The following FSTL5 variants were observed in gnomAD, a reference collection of about 807,000 sequenced individuals.
FSTL5 encodes the protein follistatin like 5.
FSTL5 carries 62 observed loss-of-function variants against 89.1 expected under a neutral mutation model. The ratio of observed to expected loss-of-function variants is 0.70; its 90% confidence interval spans 0.57 to 0.86. The LOEUF (loss-of-function observed/expected upper bound fraction) is 0.86. Ranked by LOEUF, FSTL5 falls within the 40% of genes least tolerant of loss-of-function variation. FSTL5 has a pLI of 0.00. For synonymous variants in FSTL5, 383 were observed against 346.2 expected (o/e 1.11, Z -1.18); for missense variants, 1,057 against 1,001.6 (o/e 1.06, Z -0.75).
At chr4:161,522,961 T>G (rs1478313719) in intron 10 of FSTL5, among the ~76,000 whole-genome samples, 1 of 152,000 alleles carries the variant, frequency 6.6e-6, no homozygotes, top group East Asian at 1.9e-4. Flanking sequence ...CTTGAGAAAA[T>G]TTTAAAGCTA....
intron 8 of FSTL5, among the ~76,000 whole-genome samples, chr4:161,581,738 C>T (rs1330455633): frequency 6.6e-6 from 1 of 152,142 alleles, no homozygotes; most frequent in East Asian, 1.9e-4. Context: ...CCACTTTATG[C>T]AGAAGTTTTC....
intron 15 of FSTL5, among the ~76,000 whole-genome samples, chr4:161,431,524 A>T (rs1368063405): frequency 2.0e-5 from 3 of 152,056 alleles, no homozygotes; most frequent in African/African-American, 4.8e-5. Flanking sequence ...ACCTTCACTT[A>T]AAAGAAGACA....
At chr4:161,594,322 A>G (rs1205840067) in intron 7 of FSTL5, among the ~76,000 whole-genome samples, 1 of 152,180 alleles carries the variant, frequency 6.6e-6, no homozygotes, top group Non-Finnish European at 1.5e-5. Context: ...GCAAAATGGT[A>G]TATTCATATT....
At chr4:161,695,220 C>T (rs1463107601) in intron 6 of FSTL5, among the ~76,000 whole-genome samples, 1 of 151,964 alleles carries the variant, frequency 6.6e-6, no homozygotes, top group African/African-American at 2.4e-5. Flanking sequence ...CCCAGCCTTT[C>T]CCCCGAGTCC....
chr4:161,909,593 C>T (rs1401034324), intron 4 of FSTL5, among the ~76,000 whole-genome samples: 1 of 152,146 alleles, frequency 6.6e-6, no homozygotes, highest in Non-Finnish European at 1.5e-5. Flanking sequence ...TTACTTGCAA[C>T]TGATGCTTCA....
intron 8 of FSTL5, among the ~76,000 whole-genome samples, chr4:161,573,525 C>T (rs774687095): frequency 5.0e-5 from 7 of 139,088 alleles, no homozygotes; most frequent in Non-Finnish European, 7.7e-5. Context: ...CACCTGAGGT[C>T]GGGAGTTCGC....
intron 1 of FSTL5, among the ~76,000 whole-genome samples, chr4:162,154,659 T>C (rs933231936): frequency 6.6e-6 from 1 of 152,106 alleles, no homozygotes. Context: ...CAAACTCTAA[T>C]ATCAAAAAAC....
At chr4:162,102,435 G>C (rs768214088) in intron 2 of FSTL5, among the ~76,000 whole-genome samples, 4 of 150,782 alleles carry the variant, frequency 2.7e-5, no homozygotes, top group Non-Finnish European at 5.9e-5. Flanking sequence ...TTAAAGCCAA[G>C]CTTGTCAGGA....
rs748575590 is a variant in FSTL5, at chr4:161,542,485, A to G, written c.1177+47T>C. ...AAGAACGTTATAAATTTTAGTATAA[A>G]TTTTCAACATGGTCATTTAAGAGAA... On this transcript the variant is annotated intron_variant, in intron 9 of 15. Coordinates refer to ENST00000306100, the MANE Select transcript of FSTL5 (RefSeq NM_020116.5). 4 of 1,251,324 alleles carry G rather than the reference A, an allele frequency of 3.2e-6. No individual in the cohort carries two copies. The East Asian group carries it at 1.1e-4, about 35-fold the overall frequency. The allele number at this position is 1,251,324 out of a possible 1,614,324, so 77.5% of individuals were successfully genotyped here. A position where few individuals can be genotyped will look rare whatever the true frequency, so the allele number is the denominator to read the frequency against.
At chr4:162,013,154 C>T (rs1019459531) in intron 3 of FSTL5, among the ~76,000 whole-genome samples, 2 of 151,800 alleles carry the variant, frequency 1.3e-5, no homozygotes, top group Admixed American at 6.6e-5. Flanking sequence ...CTGCACATTC[C>T]AGCCTGGGCG....
intron 7 of FSTL5, among the ~76,000 whole-genome samples, chr4:161,595,785 T>C (rs1242166733): frequency 1.3e-5 from 2 of 152,024 alleles, no homozygotes; most frequent in African/African-American, 2.4e-5. Flanking sequence ...TTTAGATTGC[T>C]TCAATATAAA....
intron 7 of FSTL5, among the ~76,000 whole-genome samples, chr4:161,606,841 G>A (rs1734464081): frequency 6.6e-6 from 1 of 151,956 alleles, no homozygotes; most frequent in South Asian, 2.1e-4. Flanking sequence ...GCAAAATACA[G>A]AATATGATGT....
intron 6 of FSTL5, among the ~76,000 whole-genome samples, chr4:161,689,994 C>A (rs1737875752): frequency 6.6e-6 from 1 of 152,068 alleles, no homozygotes; most frequent in Non-Finnish European, 1.5e-5. Context: ...GTTTTCATGG[C>A]TGGATAATGT....
intron 6 of FSTL5, among the ~76,000 whole-genome samples, chr4:161,674,871 C>T (rs1737247706): frequency 6.6e-6 from 1 of 152,162 alleles, no homozygotes; most frequent in Non-Finnish European, 1.5e-5. Flanking sequence ...CGAGAGAACT[C>T]TCCTGGGCTT....
At chr4:162,086,121 GT>G (rs1358762443) in intron 2 of FSTL5, among the ~76,000 whole-genome samples, 1 of 151,842 alleles carries the variant, frequency 6.6e-6, no homozygotes, top group African/African-American at 2.4e-5. Context: ...TATTTAATGT[GT>G]TTTTTAATCA....
rs183689618 is a variant in FSTL5 at position 161,767,712 on chromosome 4, G to T, written c.606+8166C>A. On this transcript the variant is annotated intron_variant, in intron 5 of 15. Coordinates refer to ENST00000306100, the MANE Select transcript of FSTL5 (RefSeq NM_020116.5). ...AGTATTTTTAGTTCTTTCATTACCAGAATCGGTTACTGGTAGATGAAATAG... is the reference window on the plus strand; with the variant it reads ...AGTATTTTTAGTTCTTTCATTACCATAATCGGTTACTGGTAGATGAAATAG... Among the ~76,000 whole-genome samples, 325 of 152,238 alleles carry T rather than the reference G, an allele frequency of 2.1e-3. 4 individuals are homozygous for T. The highest frequency in any genetic ancestry group is 7.6e-3 in the African/African-American group (316 of 41,550).
chr4:161,855,829 T>C (rs1202126889), intron 4 of FSTL5, among the ~76,000 whole-genome samples: 1 of 152,126 alleles, frequency 6.6e-6, no homozygotes, highest in Non-Finnish European at 1.5e-5. Flanking sequence ...ACTGGACATT[T>C]TTTCCAACCT....
chr4:161,487,804 T>C (rs1386417655), intron 12 of FSTL5, among the ~76,000 whole-genome samples: 1 of 152,086 alleles, frequency 6.6e-6, no homozygotes, highest in African/African-American at 2.4e-5. Context: ...TAATGTTCAG[T>C]TTATCAAATG....
intron 3 of FSTL5, among the ~76,000 whole-genome samples, chr4:162,030,645 G>A (rs762538134): frequency 1.5e-4 from 23 of 152,122 alleles, no homozygotes; most frequent in Non-Finnish European, 2.4e-4. Context: ...TGAGGAGCAT[G>A]CAAGAGTGCA....
Sources: gnomAD v4.1 joint callset for allele counts (sites outside exome capture counted in the v4.1 genomes callset) on GRCh38, gnomAD v4.1.1 for gene constraint, MANE v1.5 for transcripts, NCBI Gene and HGNC (gene_info 2026-07-23, HGNC 2026-07-21) for gene names.